MEGF8: variants seen among roughly 807,000 people sequenced by gnomAD.
MEGF8 encodes multiple EGF like domains 8.
In MEGF8, 156 loss-of-function variants were observed where a neutral mutation model predicts 302.9. The observed-to-expected ratio is 0.52, with a 90% CI of 0.45 to 0.59. The LOEUF is 0.59. MEGF8 is among the 20% of genes least tolerant of loss of function. MEGF8 has a pLI of 0.00. For missense variants in MEGF8, 3,345 were observed against 3,964.5 expected (o/e 0.84, Z 4.20); for synonymous variants, 1,621 against 1,660.5 (o/e 0.98, Z 0.58).
intron 1 of MEGF8, among the ~76,000 whole-genome samples, chr19:42,326,909 C>T (rs61739430): frequency 0.023 from 3,480 of 152,056 alleles, 128 homozygotes; most frequent in African/African-American, 0.078. Flanking sequence ...CTCACCATGT[C>T]GCCCAGGCTA....
rs542301839 is a variant in MEGF8, at chr19:42,336,017, C to T, written c.915C>T (p.Asn305=). The T allele has an allele frequency of 3.9e-5, 61 of 1,554,824 alleles. No homozygotes were observed. Among genetic ancestry groups the T allele is most frequent in the Middle Eastern group, 1.7e-4 (1 of 5,996 alleles). The part of the protein sequence containing the change: ...GGELADGSLT[N]DVWAFSPLGR... ...AGCTGGCTGACGGCTCGCTCACCAA[C>T]GACGTGTGGGCCTTCAGTCCACTGG... The change falls in exon 6 of 42, where the codon AAC becomes AAT. Residue 305 remains asparagine (N), a synonymous_variant. Coordinates refer to ENST00000251268, the MANE Select transcript of MEGF8 (RefSeq NM_001271938.2). The surrounding 1 kb of genome is among the most constrained non-coding windows in gnomAD (Gnocchi z 4.8).
rs769271374 is a variant in MEGF8, at chr19:42,356,057, C to A, written c.4393-26C>A. 6.3e-7 allele frequency: 1 copy of A among 1,593,102 alleles called. No homozygotes were observed. The highest frequency in any genetic ancestry group is 1.1e-5 in the South Asian group (1 of 88,606). ...TGGGACAGGGCTGGTGATCAGGGCTCCCCTGAGTCCCTTGTCATCCCCCAG... is the reference window on the plus strand; with the variant it reads ...TGGGACAGGGCTGGTGATCAGGGCTACCCTGAGTCCCTTGTCATCCCCCAG... On this transcript the variant is annotated intron_variant, in intron 24 of 41. Coordinates refer to ENST00000251268, the MANE Select transcript of MEGF8 (RefSeq NM_001271938.2). This position sits in a 1 kb window ranked among gnomAD's most constrained non-coding sequence, Gnocchi z 5.2.
chr19:42,341,848 G>A (rs2039219494), intron 8 of MEGF8, among the ~76,000 whole-genome samples: 1 of 152,184 alleles, frequency 6.6e-6, no homozygotes, highest in South Asian at 2.1e-4. Context: ...ATCAGACACT[G>A]CTTTGAAATC....
At chr19:42,335,893 C>G in intron 5 of MEGF8, 38 bp from the exon 6 acceptor site, 1 of 1,437,120 alleles carries the variant, frequency 7.0e-7, no homozygotes, top group Non-Finnish European at 9.1e-7. Context: ...GGCTCTCTTG[C>G]TGTGTCTCTA....
rs568692440 is a variant in MEGF8, at chr19:42,378,358, C to CA, written c.*1587dup. On this transcript the variant is annotated 3_prime_UTR_variant, in exon 42 of 42. Coordinates refer to ENST00000251268, the MANE Select transcript of MEGF8 (RefSeq NM_001271938.2). ...TGTTGTGGGGGAGCCTCAGAGGGGACAAAACCTCTGCCTGAGATCCCACCC... is the reference window on the plus strand; with the variant it reads ...TGTTGTGGGGGAGCCTCAGAGGGGACAAAAACCTCTGCCTGAGATCCCACCC... 1,367 of 153,756 alleles carry CA rather than the reference C, an allele frequency of 8.9e-3. 19 individuals are homozygous for CA. The highest frequency in any genetic ancestry group is 0.015 in the Non-Finnish European group (1,031 of 68,094). 9.5% of individuals were successfully genotyped at this position (153,756 alleles called of 1,614,324 possible). A position where few individuals can be genotyped will look rare whatever the true frequency, so the allele number is the denominator to read the frequency against.
At chr19:42,361,395 G>A (rs1336267813) in intron 32 of MEGF8, among the ~76,000 whole-genome samples, 1 of 152,134 alleles carries the variant, frequency 6.6e-6, no homozygotes, top group Non-Finnish European at 1.5e-5. Context: ...CAGACATCCT[G>A]GACACTGAAA....
In MEGF8 at chr19:42,377,004, G is replaced by A. The variant is rs2039779282; in HGVS notation, c.*229G>A. The stretch of plus-strand genomic sequence containing the variant: ...GCGTGGGGCAAAGCAGGAACCAAGA[G>A]ACGAGGTTCCCTGATCTCATGGGAC... On this transcript the variant is annotated 3_prime_UTR_variant, in exon 42 of 42. Coordinates refer to ENST00000251268, the MANE Select transcript of MEGF8 (RefSeq NM_001271938.2). 6.5e-6 allele frequency: 3 copies of A among 460,378 alleles called. No individual in the cohort carries two copies. Among genetic ancestry groups the A allele is most frequent in the Admixed American group, 7.8e-5 (2 of 25,696 alleles). The allele number at this position is 460,378 out of a possible 1,614,324, so 28.5% of individuals were successfully genotyped here.
chr19:42,346,670 C>A (rs1369427056), intron 12 of MEGF8, among the ~76,000 whole-genome samples: 1 of 149,298 alleles, frequency 6.7e-6, no homozygotes, highest in Admixed American at 6.7e-5. Flanking sequence ...GAGTGAGACT[C>A]CATTTTAATT....
intron 23 of MEGF8, among the ~76,000 whole-genome samples, chr19:42,355,252 C>T (rs758483399): frequency 2.7e-5 from 4 of 150,406 alleles, no homozygotes; most frequent in South Asian, 4.3e-4. Context: ...CTGCTGCGCC[C>T]GGCATATATA....
chr19:42,370,765 A>ACAGCTAT lies in MEGF8; in HGVS notation c.7071_7077dup (p.Gly2360GlnfsTer26). On this transcript the variant is annotated frameshift_variant, in exon 40 of 42. Transcript: ENST00000251268. LOFTEE classifies it high-confidence loss of function. ...GCCGTGTGCGTGAACTGCCAGAATA[A>ACAGCTAT]CAGCTATGGGGAGAAATGCGAGAGC... 6.4e-7 allele frequency: 1 copy of ACAGCTAT among 1,568,578 alleles called. No individual in the cohort carries two copies. Among genetic ancestry groups the ACAGCTAT allele is most frequent in the Non-Finnish European group, 8.6e-7 (1 of 1,156,984 alleles).
rs1271671592 is a variant in MEGF8, at chr19:42,375,070, T to C, written c.7270-437T>C. Among the ~76,000 whole-genome samples, 4 of 152,112 alleles carry C rather than the reference T, an allele frequency of 2.6e-5. No homozygotes were observed. The highest frequency in any genetic ancestry group is 7.2e-5 in the African/African-American group (3 of 41,418). ...CTGGCTGACCCTGCGCCGAGTGCCA[T>C]GCACATGATCTCAGTGGTCCTGTGA... On this transcript the variant is annotated intron_variant, in intron 41 of 41. Coordinates refer to ENST00000251268, the MANE Select transcript of MEGF8 (RefSeq NM_001271938.2). This position sits in a 1 kb window ranked among gnomAD's most constrained non-coding sequence, Gnocchi z 7.1.
In MEGF8 at chr19:42,375,436, C is replaced by T. The variant is rs2039751946; in HGVS notation, c.7270-71C>T. ...TTAGCAGTGGGTATAGAGTATTCGT[C>T]ACTGCTGCTTGGGGGACAGGCTGGC... On this transcript the variant is annotated intron_variant, in intron 41 of 41. Coordinates refer to ENST00000251268, the MANE Select transcript of MEGF8 (RefSeq NM_001271938.2). The surrounding 1 kb of genome is among the most constrained non-coding windows in gnomAD (Gnocchi z 7.1). The T allele has an allele frequency of 7.0e-7, 1 of 1,432,970 alleles. No individual in the cohort carries two copies. Among genetic ancestry groups the T allele is most frequent in the Admixed American group, 2.4e-5 (1 of 42,232 alleles). 88.8% of individuals were successfully genotyped at this position (1,432,970 alleles called of 1,614,324 possible). A position where few individuals can be genotyped will look rare whatever the true frequency, so the allele number is the denominator to read the frequency against.
chr19:42,352,444 A>T lies in MEGF8; in HGVS notation c.3338A>T (p.His1113Leu). The change falls in exon 19 of 42, where the codon CAC becomes CTC. Residue 1113 changes from histidine to leucine, a missense_variant. By Grantham distance (99) the His-to-Leu change is moderately conservative. Transcript: ENST00000251268. This position sits in a 1 kb window ranked among gnomAD's most constrained non-coding sequence, Gnocchi z 4.4. Reference sequence around the variant, plus strand: ...GGCTACCAGGGTGATGGCATCTCACACTGCAACCGCACGTGAGTGAGGCGG... The same window carrying T: ...GGCTACCAGGGTGATGGCATCTCACTCTGCAACCGCACGTGAGTGAGGCGG... ...QRGYQGDGISHCNRTCLEDCG... is the reference protein window; with the variant it reads ...QRGYQGDGISLCNRTCLEDCG... 1 of 1,594,914 alleles carries T rather than the reference A, an allele frequency of 6.3e-7. No homozygotes were observed. Among genetic ancestry groups the T allele is most frequent in the Non-Finnish European group, 8.5e-7 (1 of 1,169,700 alleles).
chr19:42,337,332 T>G (rs2039142163), intron 8 of MEGF8, 126 bp downstream of exon 8: 5 of 1,342,280 alleles, frequency 3.7e-6, no homozygotes, highest in Non-Finnish European at 5.2e-6. Context: ...GTGCCAGCCT[T>G]AGGAGGCAAG....
Position 42,362,213 on chromosome 19 carries a change from G to C in MEGF8, c.5844G>C (p.Glu1948Asp), listed in dbSNP as rs772826136. The C allele has an allele frequency of 7.4e-6, 12 of 1,610,752 alleles. No homozygotes were observed. Among genetic ancestry groups the C allele is most frequent in the Non-Finnish European group, 1.0e-5 (12 of 1,179,288 alleles). Residue 1948 changes from glutamate (E) to aspartate (D), a missense_variant and splice_region_variant, in exon 33 of 42, where the codon GAG becomes GAC. Coordinates refer to ENST00000251268, the MANE Select transcript of MEGF8 (RefSeq NM_001271938.2). ...HPRTLQPGDG[E>D]ASTPRCKWCT... Reference sequence around the variant, plus strand: ...GGACCCTGCAACCTGGAGATGGAGAGGTGAGTGGTGGGGAAGGCAGGGATG... The same window carrying C: ...GGACCCTGCAACCTGGAGATGGAGACGTGAGTGGTGGGGAAGGCAGGGATG...
At position 42,370,238 on chromosome 19, in the gene MEGF8, G is replaced by A. The variant is rs1451297110; in HGVS notation, c.6884G>A (p.Gly2295Glu). ...CCGCTGTTTGTGGGTTCAGCTGTCG[G>A]AGGCGGGACCTGCCGGCCCTGCCAC... is the stretch of plus-strand genomic sequence containing the variant. Reference protein sequence around the residue: ...CLPLFVGSAVGGGTCRPCHAF... With the variant: ...CLPLFVGSAVEGGTCRPCHAF... The change falls in exon 39 of 42, where the codon GGA (glycine) becomes GAA (glutamate). Residue 2295 changes from glycine (G) to glutamate (E), a missense_variant. Transcript: ENST00000251268. 2 of 1,613,622 alleles carry A rather than the reference G, an allele frequency of 1.2e-6. No homozygotes were observed. Among genetic ancestry groups the A allele is most frequent in the Non-Finnish European group, 8.5e-7 (1 of 1,179,880 alleles).
In MEGF8 at chr19:42,358,816, A is replaced by G; in HGVS notation, c.5205A>G (p.Ser1735=). 1.9e-6 allele frequency: 3 copies of G among 1,589,280 alleles called. No homozygotes were observed. Among genetic ancestry groups the G allele is most frequent in the Non-Finnish European group, 2.6e-6 (3 of 1,168,948 alleles). Residue 1735 remains serine, a synonymous_variant, in exon 30 of 42, where the codon TCA becomes TCG. Transcript: ENST00000251268. The surrounding 1 kb of genome is among the most constrained non-coding windows in gnomAD (Gnocchi z 4.4). ...ATCGTATGAGGAATGTGCGTGGCTC[A>G]TCTCGGGGTCTGGGCCAAGTTCCTG... ...KRDRMRNVRG[S]SRGLGQVPGE... is the part of the protein sequence containing the mutation.
Position 42,352,278 on chromosome 19 carries a change from G to A in MEGF8, c.3172G>A (p.Gly1058Arg). The A allele has an allele frequency of 6.4e-7, 1 of 1,566,614 alleles. No homozygotes were observed. Among genetic ancestry groups the A allele is most frequent in the Non-Finnish European group, 8.7e-7 (1 of 1,155,550 alleles). ...CTCCCTGTGGGTGGGGGAGGGCCTG[G>A]GGCTTCCCGTGGCCCTCCCTGCCCG... is the stretch of plus-strand genomic sequence containing the variant. ...NCSLWVGEGL[G>R]LPVALPARWA... The change falls in exon 19 of 42, where the codon GGG becomes AGG. Residue 1058 changes from glycine (G) to arginine (R), a missense_variant. Gly to Arg is a moderately radical substitution (Grantham distance 125). Transcript: ENST00000251268. The surrounding 1 kb of genome is among the most constrained non-coding windows in gnomAD (Gnocchi z 4.4).
intron 8 of MEGF8, among the ~76,000 whole-genome samples, chr19:42,338,605 T>C (rs1471664914): frequency 6.6e-6 from 1 of 152,130 alleles, no homozygotes; most frequent in Non-Finnish European, 1.5e-5. Flanking sequence ...CAAGTGTCTG[T>C]TGTTCCCTTC....
Sources: gnomAD v4.1 joint callset for allele counts (sites outside exome capture counted in the v4.1 genomes callset) on GRCh38, gnomAD v4.1.1 for gene constraint, Gnocchi (gnomAD v3.1) non-coding constraint, MANE v1.5 for transcripts, NCBI Gene and HGNC (gene_info 2026-07-23, HGNC 2026-07-21) for gene names.